The following ZSWIM6 variants were observed in gnomAD, a reference collection of about 807,000 sequenced individuals.
ZSWIM6 encodes zinc finger SWIM domain-containing protein 6.
ZSWIM6 carries 9 observed loss-of-function variants against 113.2 expected under a neutral mutation model. The ratio of observed to expected loss-of-function variants is 0.08; its 90% CI spans 0.05 to 0.14. The LOEUF (loss-of-function observed/expected upper bound fraction) is 0.14, where lower values mean the gene tolerates loss of function less well. Ranked by LOEUF, ZSWIM6 falls within the 10% of genes least tolerant of loss-of-function variation. The probability of loss-of-function intolerance (pLI) is 1.00; values close to 1 mark genes in which losing one functional copy is unlikely to be tolerated. For synonymous variants in ZSWIM6, 611 were observed against 606.5 expected, an observed-to-expected ratio of 1.01 and a Z score of -0.11; for missense variants, 1,162 against 1,552.2, an observed-to-expected ratio of 0.75 and a Z score of 4.22.
intron 1 of ZSWIM6, among the ~76,000 whole-genome samples, chr5:61,423,212 G>C (rs1746389626): frequency 1.3e-5 from 2 of 152,032 alleles, no homozygotes; most frequent in African/African-American, 2.4e-5. Context: ...TTTGAGACCA[G>C]CCTGGCCAAC....
At chr5:61,389,485 G>A (rs1405984535) in intron 1 of ZSWIM6, among the ~76,000 whole-genome samples, 3 of 149,290 alleles carry the variant, frequency 2.0e-5, no homozygotes, top group Admixed American at 6.7e-5. Context: ...AACCTGGGAG[G>A]TGGAGGTTGC....
chr5:61,546,049 G>C lies in ZSWIM6; in HGVS notation c.*1732G>C, dbSNP rs953363068. On this transcript the variant is annotated 3_prime_UTR_variant, in exon 14 of 14. Transcript: ENST00000252744. Reference sequence around the variant, plus strand: ...TCACCCATGTAAACATGCTCATGAAGTTGAAAGTAATTAAGATTTGATACA... The same window carrying C: ...TCACCCATGTAAACATGCTCATGAACTTGAAAGTAATTAAGATTTGATACA... The C allele has an allele frequency of 1.3e-5, 2 of 152,156 alleles. No homozygotes were observed. Among genetic ancestry groups the C allele is most frequent in the African/African-American group, 2.4e-5 (1 of 41,434 alleles). The allele number at this position is 152,156 out of a possible 1,614,324, so 9.4% of individuals were successfully genotyped here. A position where few individuals can be genotyped will look rare whatever the true frequency, so the allele number is the denominator to read the frequency against.
chr5:61,433,409 G>A (rs931570132), intron 1 of ZSWIM6, among the ~76,000 whole-genome samples: 1 of 151,810 alleles, frequency 6.6e-6, no homozygotes, highest in African/African-American at 2.4e-5. Context: ...AATTAACTTT[G>A]GATCTGTAGT....
intron 1 of ZSWIM6, among the ~76,000 whole-genome samples, chr5:61,458,745 G>C (rs1286199677): frequency 6.6e-6 from 1 of 152,022 alleles, no homozygotes; most frequent in Non-Finnish European, 1.5e-5. Context: ...GGGCATGGTG[G>C]CAGGCACTTG....
chr5:61,429,685 C>G (rs1473618059), intron 1 of ZSWIM6, among the ~76,000 whole-genome samples: 2 of 151,962 alleles, frequency 1.3e-5, no homozygotes, highest in African/African-American at 4.8e-5. Flanking sequence ...GAGAGCCGTC[C>G]TGTGTGTGTA....
At chr5:61,464,158 A>ATTTTTTTTTTTTTTTTTTTTTT (rs869288331) in intron 1 of ZSWIM6, among the ~76,000 whole-genome samples, 1 of 43,512 alleles carries the variant, frequency 2.3e-5, no homozygotes, top group Admixed American at 3.6e-4. Context: ...CACCCGGCTA[A>ATTTTTTTTTTTTTTTTTTTTTT]TTTTTTTTTT....
Position 61,445,357 on chromosome 5 carries a change from C to T in ZSWIM6, c.677-27324C>T, listed in dbSNP as rs145551155. ...TTTTCAGCTATAAAAAGAGCATCAT[C>T]ATACATCTCCAGGATTGGCTTCTAG... On this transcript the variant is annotated intron_variant, in intron 1 of 13. Coordinates refer to ENST00000252744, the MANE Select transcript of ZSWIM6 (RefSeq NM_020928.2). Among the ~76,000 whole-genome samples the T allele has an allele frequency of 3.1e-4, 47 of 152,266 alleles. No homozygotes were observed. The East Asian group carries it at 6.4e-3, about 21-fold the overall frequency.
intron 1 of ZSWIM6, among the ~76,000 whole-genome samples, chr5:61,399,737 TC>T (rs1745907782): frequency 6.6e-6 from 1 of 152,238 alleles, no homozygotes; most frequent in Non-Finnish European, 1.5e-5. Context: ...AATTTCTACT[TC>T]CCACGTCTGA....
chr5:61,394,011 T>G (rs953012263), intron 1 of ZSWIM6, among the ~76,000 whole-genome samples: 2 of 152,172 alleles, frequency 1.3e-5, no homozygotes, highest in African/African-American at 4.8e-5. Flanking sequence ...ATAGGAACAT[T>G]GTTGGCTGGT....
intron 1 of ZSWIM6, among the ~76,000 whole-genome samples, chr5:61,454,266 T>TTTTATTTTA (rs1166470681): frequency 3.7e-5 from 5 of 133,906 alleles, no homozygotes; most frequent in Non-Finnish European, 6.5e-5. Flanking sequence ...TTTTATTTTA[T>TTTTATTTTA]TTTATTTTTG....
chr5:61,437,272 C>T (rs566569243), intron 1 of ZSWIM6, among the ~76,000 whole-genome samples: 1 of 152,254 alleles, frequency 6.6e-6, no homozygotes, highest in East Asian at 1.9e-4. Flanking sequence ...AATAGATTAA[C>T]CTTTTTAAAG....
chr5:61,493,165 G>C (rs1554038263), intron 3 of ZSWIM6, among the ~76,000 whole-genome samples: 1 of 152,006 alleles, frequency 6.6e-6, no homozygotes, highest in Non-Finnish European at 1.5e-5. Flanking sequence ...TTAGATCTGT[G>C]GTTATTATTC....
At chr5:61,506,940 C>T (rs1222787778) in intron 4 of ZSWIM6, among the ~76,000 whole-genome samples, 1 of 152,166 alleles carries the variant, frequency 6.6e-6, no homozygotes, top group Non-Finnish European at 1.5e-5. Context: ...GCCATTACTT[C>T]ATAATGATAA....
At chr5:61,418,377 C>G (rs1464117109) in intron 1 of ZSWIM6, among the ~76,000 whole-genome samples, 1 of 152,058 alleles carries the variant, frequency 6.6e-6, no homozygotes, top group East Asian at 1.9e-4. Context: ...AAGTGATTCT[C>G]CTGCCTCAGC....
chr5:61,418,260 T>TTATG (rs1746292941), intron 1 of ZSWIM6, among the ~76,000 whole-genome samples: 1 of 152,024 alleles, frequency 6.6e-6, no homozygotes, highest in South Asian at 2.1e-4. Context: ...AGTCTATGAT[T>TTATG]TATTTATTTA....
intron 1 of ZSWIM6, among the ~76,000 whole-genome samples, chr5:61,340,745 T>A (rs1561198330): frequency 6.6e-6 from 1 of 152,226 alleles, no homozygotes; most frequent in Non-Finnish European, 1.5e-5. Flanking sequence ...AAATCAAGCA[T>A]ATTCTTGAAT....
chr5:61,491,705 G>A (rs981354611), intron 3 of ZSWIM6, among the ~76,000 whole-genome samples: 1 of 151,990 alleles, frequency 6.6e-6, no homozygotes. Flanking sequence ...TTCATTGGGG[G>A]TATAGTCATC....
chr5:61,372,988 T>C (rs1184272760), intron 1 of ZSWIM6, among the ~76,000 whole-genome samples: 1 of 152,188 alleles, frequency 6.6e-6, no homozygotes, highest in East Asian at 1.9e-4. Context: ...AATATATTCT[T>C]ATAAAAATAA....
intron 1 of ZSWIM6, among the ~76,000 whole-genome samples, chr5:61,454,604 C>T (rs1274391480): frequency 6.7e-6 from 1 of 150,074 alleles, no homozygotes; most frequent in African/African-American, 2.5e-5. Flanking sequence ...AGATGGAGTC[C>T]CGCTCTGTTG....
Sources: gnomAD v4.1 joint callset for allele counts (sites outside exome capture counted in the v4.1 genomes callset) on GRCh38, gnomAD v4.1.1 for gene constraint, MANE v1.5 for transcripts, NCBI Gene and HGNC (gene_info 2026-07-23, HGNC 2026-07-21) for gene names.